The following C16orf46 variants were observed in gnomAD, a reference collection of about 807,000 sequenced individuals.
C16orf46 encodes uncharacterized protein C16orf46.
Under a neutral mutation model 5.5 loss-of-function variants are expected in C16orf46, and 7 were observed. That is an observed-to-expected ratio of 1.28 (90% CI 0.73 to 2.40). The LOEUF (loss-of-function observed/expected upper bound fraction) is 2.40. C16orf46 is among the 30% of genes most tolerant of loss of function. The pLI is 0.00. For synonymous variants in C16orf46, 200 were observed against 184.1 expected, an observed-to-expected ratio of 1.09 and a Z score of -0.70; for missense variants, 614 against 476.0, an observed-to-expected ratio of 1.29 and a Z score of -2.70.
intron 3 of C16orf46, among the ~76,000 whole-genome samples, chr16:81,054,288 A>C (rs1050329096): frequency 2.9e-4 from 44 of 152,062 alleles, no homozygotes; most frequent in African/African-American, 5.5e-4. Context: ...CAACAAAAAA[A>C]AACAACAAAA....
chr16:81,060,860 A>C (rs1971440141), downstream of C16orf46: 2 of 560,952 alleles, frequency 3.6e-6, no homozygotes, highest in Non-Finnish European at 5.0e-6. Context: ...CTGGGAGTGG[A>C]CATGAAGCAG....
intron 2 of C16orf46, among the ~76,000 whole-genome samples, 162 bp from the exon 3 acceptor site, chr16:81,064,155 A>C (rs1462979144): frequency 2.0e-5 from 3 of 152,116 alleles, no homozygotes; most frequent in African/African-American, 7.2e-5. Context: ...AGGCCAAGTC[A>C]GGCGGATCAC....
At position 81,061,062 on chromosome 16, in the gene C16orf46, AAG is replaced by A. The variant is rs570823280; in HGVS notation, c.*97_*98del. On this transcript the variant is annotated 3_prime_UTR_variant, in exon 4 of 4. Coordinates refer to ENST00000299578, the MANE Select transcript of C16orf46 (RefSeq NM_152337.3). ...AAGACAGACTGACGGGGAGGAGAGA[AAG>A]AGAGAGTGGGGGGTGGGTGGGAAAT... 3.8e-5 allele frequency: 53 copies of A among 1,400,068 alleles called. No individual in the cohort carries two copies. Among genetic ancestry groups the A allele is most frequent in the Non-Finnish European group, 5.0e-5 (52 of 1,047,088 alleles). 86.7% of individuals were successfully genotyped at this position (1,400,068 alleles called of 1,614,324 possible). A position where few individuals can be genotyped will look rare whatever the true frequency, so the allele number is the denominator to read the frequency against.
chr16:81,060,777 G>A (rs139413056), downstream of C16orf46: 339 of 205,580 alleles, frequency 1.6e-3, 6 homozygotes, highest in African/African-American at 7.1e-3. Context: ...CTGCCAGATG[G>A]CTCTGGGCTG....
At chr16:81,073,522 T>C (rs1348662026) in intron 1 of C16orf46, among the ~76,000 whole-genome samples, 1 of 152,196 alleles carries the variant, frequency 6.6e-6, no homozygotes, top group Non-Finnish European at 1.5e-5. Flanking sequence ...GGATGAAATA[T>C]AACATCCACA....
At chr16:81,058,044 C>CAAAA (rs1421660661), downstream of C16orf46, 1 of 174,154 alleles carries the variant, frequency 5.7e-6, no homozygotes. Flanking sequence ...CAAAACAAAA[C>CAAAA]AAAACAAAAC....
At chr16:81,064,370 A>AG (rs1971585835) in intron 2 of C16orf46, among the ~76,000 whole-genome samples, 1 of 151,586 alleles carries the variant, frequency 6.6e-6, no homozygotes, top group African/African-American at 2.4e-5. Context: ...CTCAAAAAAA[A>AG]AAAAGAAAAG....
chr16:81,055,735 T>C (rs1277904990), intron 3 of C16orf46, among the ~76,000 whole-genome samples: 1 of 152,160 alleles, frequency 6.6e-6, no homozygotes, highest in Non-Finnish European at 1.5e-5. Context: ...TTATTATTGT[T>C]TTGAGACGGA....
chr16:81,068,834 T>A (rs920055857), intron 1 of C16orf46, among the ~76,000 whole-genome samples: 7 of 152,110 alleles, frequency 4.6e-5, no homozygotes, highest in African/African-American at 1.7e-4. Flanking sequence ...CCCAAGTAGC[T>A]GGGATTCCAG....
At chr16:81,074,438 A>T (rs1971958761) in intron 1 of C16orf46, among the ~76,000 whole-genome samples, 1 of 151,704 alleles carries the variant, frequency 6.6e-6, no homozygotes, top group Admixed American at 6.6e-5. Flanking sequence ...AGGCTGGAGT[A>T]CAGTGGTATG....
rs141921281 is a variant in C16orf46 at position 81,069,142 on chromosome 16, A to C, written c.-127-2861T>G. Among the ~76,000 whole-genome samples, 75 of 152,186 alleles carry C rather than the reference A, an allele frequency of 4.9e-4. 1 individual carries two copies. Among genetic ancestry groups the C allele is most frequent in the African/African-American group, 1.7e-3 (72 of 41,540 alleles). ...TTGGTTTATGTCTTTTTTGCCCCAG[A>C]TAGGACTCAAGCTGCCAGGCTCTTT... On this transcript the variant is annotated intron_variant, in intron 1 of 3. Coordinates refer to ENST00000299578, the MANE Select transcript of C16orf46 (RefSeq NM_152337.3).
In C16orf46 at chr16:81,077,175, TC is replaced by T. The variant is rs1391444351; in HGVS notation, c.-168del. ...GGATGGAAGGCCCCGAGACAGCTAGTCCCGGCCTACTGGCAAGAGCTACTCA... is the reference window on the plus strand; with the variant it reads ...GGATGGAAGGCCCCGAGACAGCTAGTCCGGCCTACTGGCAAGAGCTACTCA... On this transcript the variant is annotated 5_prime_UTR_variant, in exon 1 of 4. Coordinates refer to ENST00000299578, the MANE Select transcript of C16orf46 (RefSeq NM_152337.3). The T allele has an allele frequency of 7.2e-5, 11 of 152,454 alleles. No homozygotes were observed. The highest frequency in any genetic ancestry group is 2.6e-4 in the African/African-American group (11 of 41,584). 9.4% of individuals were successfully genotyped at this position (152,454 alleles called of 1,614,324 possible).
intron 1 of C16orf46, among the ~76,000 whole-genome samples, chr16:81,073,824 A>G (rs970217905): frequency 1.3e-5 from 2 of 152,358 alleles, no homozygotes; most frequent in East Asian, 3.8e-4. Context: ...GGAATTAAAC[A>G]GGGATCTCAG....
chr16:81,066,915 T>C (rs994891742), intron 1 of C16orf46, among the ~76,000 whole-genome samples: 9 of 152,174 alleles, frequency 5.9e-5, no homozygotes, highest in African/African-American at 1.7e-4. Context: ...AACTCTAAAA[T>C]TGGATTTAGA....
chr16:81,064,256 C>T (rs1407121449), intron 2 of C16orf46, among the ~76,000 whole-genome samples: 4 of 150,212 alleles, frequency 2.7e-5, no homozygotes, highest in Non-Finnish European at 5.9e-5. Flanking sequence ...CCCAGCTACT[C>T]GGGAGGCTGA....
chr16:81,073,596 C>G (rs34082687), intron 1 of C16orf46, among the ~76,000 whole-genome samples: 3,846 of 152,186 alleles, frequency 0.025, 86 homozygotes, highest in African/African-American at 0.06. Flanking sequence ...AACCAGTTGA[C>G]CTGAAGATAG....
chr16:81,059,320 C>CAAAAAA (rs71143671), downstream of C16orf46, among the ~76,000 whole-genome samples: 3 of 46,598 alleles, frequency 6.4e-5, no homozygotes, highest in African/African-American at 9.5e-5. Flanking sequence ...GACTCTGTCT[C>CAAAAAA]AAAAAAAAAA....
chr16:81,053,843 T>C (rs1451275894), exon 4 of C16orf46: 3 of 484,072 alleles, frequency 6.2e-6, no homozygotes, highest in Non-Finnish European at 1.1e-5. Flanking sequence ...TAACCTCTTT[T>C]TGGGGGCCGG....
chr16:81,073,143 A>G (rs1402654694), intron 1 of C16orf46, among the ~76,000 whole-genome samples: 1 of 152,240 alleles, frequency 6.6e-6, no homozygotes, highest in Non-Finnish European at 1.5e-5. Flanking sequence ...TCACAATAGG[A>G]AAATATAAAA....
Sources: allele counts gnomAD v4.1 joint callset (sites outside exome capture counted in the v4.1 genomes callset), GRCh38; gene constraint gnomAD v4.1.1; transcripts MANE v1.5; gene names NCBI Gene and HGNC (gene_info 2026-07-23, HGNC 2026-07-21).